MAPT: variants seen among roughly 807,000 people sequenced by gnomAD.
The protein encoded by MAPT is microtubule-associated protein tau.
Under a neutral mutation model 67.9 loss-of-function variants are expected in MAPT, and 34 were observed. The observed-to-expected ratio is 0.50, with a 90% confidence interval of 0.38 to 0.67. MAPT has a LOEUF of 0.67. MAPT is among the 30% of genes least tolerant of loss of function. The pLI, the probability that MAPT is intolerant of heterozygous loss-of-function variation, is 0.00. For missense variants in MAPT, 881 were observed against 1,115.2 expected (o/e 0.79, Z 2.99); for synonymous variants, 456 against 464.5 (o/e 0.98, Z 0.23).
intron 3 of MAPT, chr17:45,972,833 C>G (rs1239315157): frequency 6.5e-6 from 1 of 153,114 alleles, no homozygotes; most frequent in Non-Finnish European, 1.5e-5. Context: ...AGTTTTCTTG[C>G]AAGTGGCAAT....
chr17:46,023,835 T>C, intron 12 of MAPT, 121 bp from the exon 13 acceptor site: 1 of 812,756 alleles, frequency 1.2e-6, no homozygotes, highest in Non-Finnish European at 2.1e-6. Flanking sequence ...AGCAAGACCC[T>C]GTCTCAAAAA....
intron 1 of MAPT, among the ~76,000 whole-genome samples, chr17:45,927,788 C>T (rs2066483346): frequency 6.6e-6 from 1 of 151,928 alleles, no homozygotes; most frequent in Admixed American, 6.6e-5. Flanking sequence ...ATCACAAGGT[C>T]AGGAGATCGA....
rs1162174697 is a variant in MAPT, at chr17:46,010,549, C to T, written c.2091+147C>T. On this transcript the variant is annotated intron_variant, in intron 10 of 12. Transcript: ENST00000262410. This position sits in a 1 kb window ranked among gnomAD's most constrained non-coding sequence, Gnocchi z 4.7. Reference sequence around the variant, plus strand: ...CTGCGACCTCTGGGTGAATGTAGCCCGGCTCCCCACATTCCCCCACACGGT... The same window carrying T: ...CTGCGACCTCTGGGTGAATGTAGCCTGGCTCCCCACATTCCCCCACACGGT... The T allele has an allele frequency of 2.8e-6, 2 of 705,930 alleles. No homozygotes were observed. The highest frequency in any genetic ancestry group is 2.6e-6 in the Non-Finnish European group (1 of 389,776). 43.7% of individuals were successfully genotyped at this position (705,930 alleles called of 1,614,324 possible). A position where few individuals can be genotyped will look rare whatever the true frequency, so the allele number is the denominator to read the frequency against.
chr17:45,998,239 C>A (rs2074669262), intron 9 of MAPT, among the ~76,000 whole-genome samples: 1 of 152,188 alleles, frequency 6.6e-6, no homozygotes, highest in East Asian at 1.9e-4. Flanking sequence ...AACCCTGCCA[C>A]CTCCCCCCAC....
intron 8 of MAPT, chr17:45,993,931 G>A: frequency 6.4e-7 from 1 of 1,574,352 alleles, no homozygotes; most frequent in Non-Finnish European, 8.6e-7. Context: ...AAGCGACTAA[G>A]CAAGTCCAGA....
chr17:46,011,925 C>G (rs578140431), intron 10 of MAPT, among the ~76,000 whole-genome samples: 1 of 152,344 alleles, frequency 6.6e-6, no homozygotes, highest in Admixed American at 6.5e-5. Flanking sequence ...GGCTAACTAA[C>G]GCTTCCTCAC....
chr17:46,024,391 G>A lies in MAPT; in HGVS notation c.*220G>A. The A allele has an allele frequency of 1.7e-6, 1 of 595,416 alleles. No homozygotes were observed. The highest frequency in any genetic ancestry group is 2.8e-5 in the East Asian group (1 of 36,074). The allele number at this position is 595,416 out of a possible 1,614,324, so 36.9% of individuals were successfully genotyped here. On this transcript the variant is annotated 3_prime_UTR_variant, in exon 13 of 13. Transcript: ENST00000262410. ...AAATTTCATCTTTCCAAATTGATGG[G>A]TGGGCTAGTAATAAAATATTTAAAA...
At chr17:45,965,235 G>T (rs2070930517) in intron 2 of MAPT, among the ~76,000 whole-genome samples, 1 of 151,938 alleles carries the variant, frequency 6.6e-6, no homozygotes. Context: ...TTCGAGACCA[G>T]CCTGGCCAAC....
Position 45,903,714 on chromosome 17 carries a change from C to CA in MAPT, c.-18+9045dup, listed in dbSNP as rs1222023338. 4.5e-3 allele frequency among the ~76,000 whole-genome samples: 165 copies of CA among 37,012 alleles called. 2 individuals carry two copies. Among genetic ancestry groups the CA allele is most frequent in the South Asian group, 0.02 (27 of 1,326 alleles). 24.3% of individuals were successfully genotyped at this position (37,012 alleles called of 152,430 possible). On this transcript the variant is annotated intron_variant, in intron 1 of 12. Transcript: ENST00000262410. ...TGGGCGACAGAGCTAGACTTCTTCT[C>CA]AAAAAAAAAAAAAAAAAGGAATCTC...
intron 1 of MAPT, among the ~76,000 whole-genome samples, chr17:45,921,536 A>T (rs1360456491): frequency 6.6e-6 from 1 of 152,136 alleles, no homozygotes; most frequent in Non-Finnish European, 1.5e-5. Flanking sequence ...ATCGAGCATC[A>T]TGTCACCCGG....
intron 9 of MAPT, chr17:45,999,794 G>A: frequency 2.5e-6 from 2 of 793,410 alleles, no homozygotes; most frequent in Non-Finnish European, 4.0e-6. Flanking sequence ...GGGGGACGAA[G>A]TGTGGAAAAG....
chr17:45,996,705 G>A lies in MAPT; in HGVS notation c.1998+41G>A, dbSNP rs758167709. The A allele has an allele frequency of 2.3e-4, 364 of 1,607,958 alleles. No homozygotes were observed. Among genetic ancestry groups the A allele is most frequent in the Non-Finnish European group, 2.4e-4 (286 of 1,177,002 alleles). Reference sequence around the variant, plus strand: ...TGCGCGTGGAGGTGTGGGGGGCTGCGCCTGGAGGGGTAGGGCTGTGCCTGG... The same window carrying A: ...TGCGCGTGGAGGTGTGGGGGGCTGCACCTGGAGGGGTAGGGCTGTGCCTGG... On this transcript the variant is annotated intron_variant, in intron 9 of 12. Coordinates refer to ENST00000262410, the MANE Select transcript of MAPT (RefSeq NM_001377265.1). The surrounding 1 kb of genome is among the most constrained non-coding windows in gnomAD (Gnocchi z 4.5).
intron 7 of MAPT, chr17:45,990,548 A>G (rs950500763): frequency 2.3e-6 from 1 of 431,296 alleles, no homozygotes; most frequent in Non-Finnish European, 4.6e-6. Context: ...CCCCAGAGGC[A>G]GAGGTTGTAG....
Position 45,983,739 on chromosome 17 carries a change from A to C in MAPT, c.1160A>C (p.Gln387Pro), listed in dbSNP as rs770840065. The change falls in exon 5 of 13, where the codon CAG becomes CCG. Residue 387 changes from glutamine (Q) to proline (P), a missense_variant. Gln to Pro is a moderately conservative substitution (Grantham distance 76). Around this residue, in one of 6 missense-constraint regions of MAPT, gnomAD observed 687 missense variants for 766.1 expected, o/e 0.90. Coordinates refer to ENST00000262410, the MANE Select transcript of MAPT (RefSeq NM_001377265.1). ...TFHVEITPNV[Q>P]KEQAHSEEHL... The stretch of plus-strand genomic sequence containing the variant: ...CACGTGGAAATCACACCCAACGTGC[A>C]GAAGGAGCAGGCGCACTCGGAGGAG... 19 of 1,614,068 alleles carry C rather than the reference A, an allele frequency of 1.2e-5. No homozygotes were observed. The highest frequency in any genetic ancestry group is 1.6e-5 in the Non-Finnish European group (19 of 1,180,050).
chr17:45,991,703 C>T, intron 8 of MAPT, 117 bp downstream of exon 8: 1 of 1,437,744 alleles, frequency 7.0e-7, no homozygotes, highest in Non-Finnish European at 9.7e-7. Context: ...TGGTCAGCAG[C>T]TTGCAGTTTA....
chr17:45,936,134 C>T (rs1231388815), intron 1 of MAPT, among the ~76,000 whole-genome samples: 2 of 152,272 alleles, frequency 1.3e-5, no homozygotes, highest in African/African-American at 4.8e-5. Context: ...TCTGAAATTA[C>T]CCCTGTGTCC....
chr17:45,922,983 A>G (rs1292820716), intron 1 of MAPT, among the ~76,000 whole-genome samples: 1 of 152,216 alleles, frequency 6.6e-6, no homozygotes, highest in African/African-American at 2.4e-5. Flanking sequence ...TGGACTCTGG[A>G]GTAGAACTCA....
chr17:45,976,857 C>G (rs1028854427), intron 3 of MAPT: 1 of 152,330 alleles, frequency 6.6e-6, no homozygotes, highest in Admixed American at 6.5e-5. Flanking sequence ...AGTGCCGTGG[C>G]AGTGACCGTG....
At chr17:45,902,375 G>T (rs899806015) in intron 1 of MAPT, among the ~76,000 whole-genome samples, 2 of 152,134 alleles carry the variant, frequency 1.3e-5, no homozygotes, top group African/African-American at 4.8e-5. Flanking sequence ...CGGCCAGCTT[G>T]CACCTTATTT....
Sources: allele counts gnomAD v4.1 joint callset (sites outside exome capture counted in the v4.1 genomes callset), GRCh38; gene constraint gnomAD v4.1.1; regional missense constraint gnomAD v4.1.1; non-coding constraint Gnocchi (gnomAD v3.1); transcripts MANE v1.5; gene names NCBI Gene and HGNC (gene_info 2026-07-23, HGNC 2026-07-21).